Variants in SUPT3H observed in about 807,000 individuals in gnomAD.
The protein encoded by SUPT3H is SPT3 homolog, SAGA and STAGA complex component.
In SUPT3H, 44 loss-of-function variants were observed where a neutral mutation model predicts 44.3. The observed-to-expected ratio is 0.99, with a 90% CI of 0.78 to 1.28. The LOEUF (loss-of-function observed/expected upper bound fraction) is 1.28. Ranked by LOEUF, SUPT3H falls within the 50% of genes most tolerant of loss-of-function variation. SUPT3H has a pLI of 0.00. For missense variants in SUPT3H, 380 were observed against 387.1 expected (o/e 0.98, Z 0.15); for synonymous variants, 124 against 125.6 (o/e 0.99, Z 0.09).
At chr6:44,844,500 C>T (rs1771540775) in intron 10 of SUPT3H, among the ~76,000 whole-genome samples, 1 of 152,022 alleles carries the variant, frequency 6.6e-6, no homozygotes. Context: ...TCCCAAATGT[C>T]CACTACAAAG....
At chr6:45,003,855 T>G in intron 5 of SUPT3H, 63 bp from the exon 6 acceptor site, 2 of 1,535,674 alleles carry the variant, frequency 1.3e-6, no homozygotes, top group Non-Finnish European at 1.8e-6. Context: ...CAGCACTAAT[T>G]ATTACATGTA....
At chr6:44,874,823 GTA>G (rs1298352093) in intron 10 of SUPT3H, among the ~76,000 whole-genome samples, 5 of 141,548 alleles carry the variant, frequency 3.5e-5, no homozygotes, top group Admixed American at 1.4e-4. Flanking sequence ...CAAAATCAAT[GTA>G]CAAAAATCAC....
chr6:44,980,208 G>C (rs950424926), intron 6 of SUPT3H, among the ~76,000 whole-genome samples: 7 of 147,764 alleles, frequency 4.7e-5, no homozygotes, highest in Non-Finnish European at 7.5e-5. Context: ...GCATAAAATA[G>C]ACAAATGCAG....
intron 10 of SUPT3H, chr6:44,898,796 G>C (rs1764509320): frequency 6.6e-6 from 1 of 152,308 alleles, no homozygotes; most frequent in African/African-American, 2.4e-5. Context: ...TGCAGTGGCA[G>C]TCGCTGCTTC....
intron 2 of SUPT3H, among the ~76,000 whole-genome samples, chr6:45,194,366 G>T (rs1815660322): frequency 6.6e-6 from 1 of 151,986 alleles, no homozygotes; most frequent in Non-Finnish European, 1.5e-5. Context: ...GGAGGAAGAA[G>T]AAAAACCACC....
chr6:45,010,409 C>T (rs759389035), intron 5 of SUPT3H, among the ~76,000 whole-genome samples: 2 of 152,030 alleles, frequency 1.3e-5, no homozygotes, highest in Non-Finnish European at 2.9e-5. Flanking sequence ...TTGTCTTGTT[C>T]CCGATCTTAT....
At chr6:45,229,193 AATTTT>A (rs1767501356) in intron 2 of SUPT3H, among the ~76,000 whole-genome samples, 1 of 152,004 alleles carries the variant, frequency 6.6e-6, no homozygotes, top group South Asian at 2.1e-4. Context: ...TGGGTTTTTT[AATTTT>A]ATTTTTTAAT....
chr6:45,219,822 C>T (rs1350946734), intron 2 of SUPT3H, among the ~76,000 whole-genome samples: 8 of 151,724 alleles, frequency 5.3e-5, no homozygotes, highest in East Asian at 1.9e-4. Flanking sequence ...GGGTGGATCA[C>T]GAGGTCAGGA....
chr6:44,942,717 C>T (rs1434633850), intron 9 of SUPT3H, among the ~76,000 whole-genome samples: 3 of 152,136 alleles, frequency 2.0e-5, no homozygotes, highest in Admixed American at 6.6e-5. Flanking sequence ...AGTGCCGTCA[C>T]GTATGGCTTT....
chr6:45,029,197 C>T lies in SUPT3H; in HGVS notation c.187-8565G>A, dbSNP rs80076656. On this transcript the variant is annotated intron_variant, in intron 3 of 10. Transcript: ENST00000371459. ...AGATGTGCCTAACTTTTTAGAGTTTCATTTTAACTGTTCTTTTTAGAATAG... is the reference window on the plus strand; with the variant it reads ...AGATGTGCCTAACTTTTTAGAGTTTTATTTTAACTGTTCTTTTTAGAATAG... Among the ~76,000 whole-genome samples the T allele has an allele frequency of 4.4e-4, 67 of 151,810 alleles. No homozygotes were observed. The East Asian group carries it at 0.011, about 25-fold the overall frequency.
In SUPT3H at chr6:45,277,613, C is replaced by A. The variant is rs377767153; in HGVS notation, c.101+87588G>T. On this transcript the variant is annotated intron_variant, in intron 2 of 10. Transcript: ENST00000371459. ...AATTATTACATGACTCTGAATAAAG[C>A]ATTACCCTATAGGGACTCAGAAGAA... 2.2e-4 allele frequency among the ~76,000 whole-genome samples: 34 copies of A among 152,258 alleles called. No individual in the cohort carries two copies. The East Asian group carries it at 5.6e-3, about 25-fold the overall frequency.
intron 2 of SUPT3H, among the ~76,000 whole-genome samples, chr6:45,286,835 A>T (rs1779370733): frequency 1.3e-5 from 2 of 152,248 alleles, no homozygotes; most frequent in Non-Finnish European, 2.9e-5. Context: ...AAGACTAGGA[A>T]CCAAGCCAAA....
chr6:45,119,357 G>A (rs1250713205), intron 2 of SUPT3H, among the ~76,000 whole-genome samples: 2 of 152,112 alleles, frequency 1.3e-5, no homozygotes, highest in Non-Finnish European at 2.9e-5. Flanking sequence ...CACCTAAGAA[G>A]ATGCCAGTTG....
intron 2 of SUPT3H, among the ~76,000 whole-genome samples, chr6:45,124,634 C>T (rs924129838): frequency 1.6e-3 from 117 of 71,490 alleles, no homozygotes; most frequent in African/African-American, 4.2e-3. Context: ...GAGACTCCAT[C>T]TCAAAAAAAA....
At chr6:45,097,108 A>T (rs1797893998) in intron 3 of SUPT3H, among the ~76,000 whole-genome samples, 1 of 152,174 alleles carries the variant, frequency 6.6e-6, no homozygotes, top group South Asian at 2.1e-4. Flanking sequence ...GGACTTCAAA[A>T]ATTTTTGACT....
At chr6:45,077,926 T>C (rs988845731) in intron 3 of SUPT3H, among the ~76,000 whole-genome samples, 4 of 151,848 alleles carry the variant, frequency 2.6e-5, no homozygotes, top group East Asian at 1.9e-4. Context: ...AACTGAGGAA[T>C]TGCTAAAAAC....
At chr6:44,860,370 A>G (rs1774450945) in intron 10 of SUPT3H, among the ~76,000 whole-genome samples, 1 of 152,186 alleles carries the variant, frequency 6.6e-6, no homozygotes, top group South Asian at 2.1e-4. Context: ...AGTCTATAAC[A>G]TCACCACTCT....
At chr6:45,336,618 A>G (rs1351135507) in intron 2 of SUPT3H, among the ~76,000 whole-genome samples, 1 of 151,476 alleles carries the variant, frequency 6.6e-6, no homozygotes, top group Non-Finnish European at 1.5e-5. Flanking sequence ...ATATATGTAC[A>G]ATAAATTTTT....
intron 9 of SUPT3H, among the ~76,000 whole-genome samples, chr6:44,937,637 T>C (rs1771677335): frequency 6.6e-6 from 1 of 152,202 alleles, no homozygotes; most frequent in South Asian, 2.1e-4. Context: ...TGGTGTAAAA[T>C]GATATCTCAT....
Sources: allele counts gnomAD v4.1 joint callset (sites outside exome capture counted in the v4.1 genomes callset), GRCh38; gene constraint gnomAD v4.1.1; transcripts MANE v1.5; gene names NCBI Gene and HGNC (gene_info 2026-07-23, HGNC 2026-07-21).